Variants in AGBL1 observed in about 807,000 individuals in gnomAD.
The protein encoded by AGBL1 is AGBL carboxypeptidase 1.
In AGBL1, 130 loss-of-function variants were observed where a neutral mutation model predicts 118.9. The observed-to-expected ratio is 1.09, with a 90% CI of 0.95 to 1.26. The LOEUF (loss-of-function observed/expected upper bound fraction) is 1.26, where lower values mean the gene tolerates loss of function less well. Among genes scored for constraint, AGBL1 ranks in the 50% most tolerant of loss-of-function variants. AGBL1 has a pLI of 0.00. For synonymous variants in AGBL1, 555 were observed against 478.9 expected (o/e 1.16, Z -2.08); for missense variants, 1,584 against 1,298.1 (o/e 1.22, Z -3.38).
At chr15:86,880,850 C>A (rs2079881676) in intron 22 of AGBL1, among the ~76,000 whole-genome samples, 1 of 152,114 alleles carries the variant, frequency 6.6e-6, no homozygotes, top group Non-Finnish European at 1.5e-5. Context: ...TACTCTTCTC[C>A]TGCAGCCTTG....
chr15:86,183,226 A>C (rs538758026), intron 5 of AGBL1, among the ~76,000 whole-genome samples: 1 of 152,202 alleles, frequency 6.6e-6, no homozygotes, highest in East Asian at 1.9e-4. Context: ...GAACTGCTAA[A>C]ATTTTTGCAG....
At chr15:86,424,543 C>G (rs957007526) in intron 18 of AGBL1, among the ~76,000 whole-genome samples, 1 of 152,166 alleles carries the variant, frequency 6.6e-6, no homozygotes, top group Non-Finnish European at 1.5e-5. Flanking sequence ...CAAATGGGAT[C>G]TAATTAAACT....
At chr15:86,618,542 G>A (rs117393588) in intron 21 of AGBL1, among the ~76,000 whole-genome samples, 2,015 of 152,288 alleles carry the variant, frequency 0.013, 21 homozygotes, top group Non-Finnish European at 0.023. Context: ...ATGAGGCCTA[G>A]GGAATCTGCA....
At chr15:86,750,818 GTGTGTGT>G (rs1404860825) in intron 22 of AGBL1, among the ~76,000 whole-genome samples, 2 of 122,230 alleles carry the variant, frequency 1.6e-5, no homozygotes, top group Non-Finnish European at 3.7e-5. Context: ...AGGCCCCAGC[GTGTGTGT>G]TGTTCCCCTA....
At chr15:86,858,463 GGT>G (rs3059715) in intron 22 of AGBL1, among the ~76,000 whole-genome samples, 3,902 of 146,928 alleles carry the variant, frequency 0.027, 73 homozygotes, top group African/African-American at 0.057. Context: ...CCTTTCAGGT[GGT>G]GTGTGTGTGT....
intron 22 of AGBL1, among the ~76,000 whole-genome samples, chr15:86,754,482 G>T (rs970063945): frequency 6.6e-6 from 1 of 152,042 alleles, no homozygotes; most frequent in African/African-American, 2.4e-5. Flanking sequence ...TGAGAGTTGT[G>T]CATGGTTGGG....
intron 17 of AGBL1, among the ~76,000 whole-genome samples, chr15:86,333,618 G>A (rs1399134438): frequency 6.6e-6 from 1 of 152,132 alleles, no homozygotes; most frequent in African/African-American, 2.4e-5. Context: ...AGAAGAGCTG[G>A]TCTCAATTCT....
At chr15:86,436,648 G>A (rs1275150658) in intron 18 of AGBL1, among the ~76,000 whole-genome samples, 1 of 152,180 alleles carries the variant, frequency 6.6e-6, no homozygotes, top group Non-Finnish European at 1.5e-5. Context: ...ATTACACTAA[G>A]TTAATGGGAA....
intron 18 of AGBL1, among the ~76,000 whole-genome samples, chr15:86,454,263 A>G (rs2082233665): frequency 1.3e-5 from 2 of 152,212 alleles, no homozygotes; most frequent in African/African-American, 4.8e-5. Context: ...TTTCATCATT[A>G]AAAATGAAGC....
chr15:86,563,499 T>C (rs2083862418), intron 21 of AGBL1, among the ~76,000 whole-genome samples: 2 of 151,866 alleles, frequency 1.3e-5, no homozygotes, highest in Admixed American at 1.3e-4. Flanking sequence ...TGCACTGTGG[T>C]CTGAGAGACA....
intron 22 of AGBL1, among the ~76,000 whole-genome samples, chr15:86,688,361 G>T (rs1015888897): frequency 7.9e-5 from 12 of 152,138 alleles, no homozygotes; most frequent in African/African-American, 2.9e-4. Context: ...AGGTGAGAGA[G>T]GGAACTCTGA....
At chr15:86,595,042 C>G (rs1765843776) in intron 21 of AGBL1, among the ~76,000 whole-genome samples, 1 of 152,152 alleles carries the variant, frequency 6.6e-6, no homozygotes, top group African/African-American at 2.4e-5. Flanking sequence ...ACCACCTTTT[C>G]TTGAGTTTCC....
chr15:86,287,816 C>T lies in AGBL1; in HGVS notation c.2221-7439C>T, dbSNP rs1238331353. On this transcript the variant is annotated intron_variant, in intron 16 of 22. Coordinates refer to ENST00000614907, the MANE Select transcript of AGBL1 (RefSeq NM_001386094.1). ...AAGACAGTGTTTCCCAAAACATATT[C>T]AATAGCATTTCAGTCTCTTGAGAGG... Among the ~76,000 whole-genome samples, 4 of 152,206 alleles carry T rather than the reference C, an allele frequency of 2.6e-5. No homozygotes were observed. The East Asian group carries it at 7.7e-4, about 29-fold the overall frequency.
At chr15:87,022,492 C>T (rs368855274) in intron 24 of AGBL1, among the ~76,000 whole-genome samples, 59 of 152,076 alleles carry the variant, frequency 3.9e-4, no homozygotes, top group African/African-American at 1.0e-3. Context: ...ATTGGTGCTC[C>T]AGAGGAAGAA....
intron 22 of AGBL1, among the ~76,000 whole-genome samples, chr15:86,766,329 A>G (rs936345148): frequency 2.6e-5 from 4 of 151,736 alleles, no homozygotes; most frequent in African/African-American, 4.8e-5. Flanking sequence ...TTTTCTTGTA[A>G]TTTTATACAT....
intron 22 of AGBL1, among the ~76,000 whole-genome samples, chr15:86,882,366 T>A (rs553236127): frequency 6.6e-6 from 1 of 152,212 alleles, no homozygotes; most frequent in Non-Finnish European, 1.5e-5. Flanking sequence ...AAAACATCTC[T>A]ATGTACACAT....
intron 17 of AGBL1, among the ~76,000 whole-genome samples, chr15:86,330,259 C>T (rs1414396411): frequency 6.6e-6 from 1 of 152,208 alleles, no homozygotes; most frequent in Non-Finnish European, 1.5e-5. Context: ...TTGGCCACAG[C>T]TGGCTGTAAC....
chr15:86,476,009 C>A (rs559458358), intron 18 of AGBL1, among the ~76,000 whole-genome samples: 101 of 152,186 alleles, frequency 6.6e-4, no homozygotes, highest in African/African-American at 2.4e-3. Flanking sequence ...GAAATAAAAT[C>A]CTTTACAGAC....
At chr15:86,860,717 T>C (rs1284528826) in intron 22 of AGBL1, among the ~76,000 whole-genome samples, 2 of 149,548 alleles carry the variant, frequency 1.3e-5, no homozygotes, top group East Asian at 3.9e-4. Flanking sequence ...TGAGTAAGTG[T>C]GTGTGTGTGT....
Sources: allele counts gnomAD v4.1 joint callset (sites outside exome capture counted in the v4.1 genomes callset), GRCh38; gene constraint gnomAD v4.1.1; transcripts MANE v1.5; gene names NCBI Gene and HGNC (gene_info 2026-07-23, HGNC 2026-07-21).